The following SDK1 variants were observed in gnomAD, a reference collection of about 807,000 sequenced individuals.
SDK1 encodes the protein sidekick cell adhesion molecule 1.
Under a neutral mutation model 245.5 loss-of-function variants are expected in SDK1, and 157 were observed. The observed-to-expected ratio is 0.64, with a 90% CI of 0.56 to 0.73. SDK1 has a LOEUF of 0.73. Among genes scored for constraint, SDK1 ranks in the 30% least tolerant of loss-of-function variants. The pLI is 0.00. For missense variants in SDK1, 3,583 were observed against 3,002.3 expected, an observed-to-expected ratio of 1.19 and a Z score of -4.52; for synonymous variants, 1,647 against 1,278.5, an observed-to-expected ratio of 1.29 and a Z score of -6.15.
At chr7:3,323,245 T>C (rs1355371934) in intron 1 of SDK1, among the ~76,000 whole-genome samples, 1 of 152,238 alleles carries the variant, frequency 6.6e-6, no homozygotes, top group Admixed American at 6.5e-5. Flanking sequence ...CAAAAGACGT[T>C]ATTCATTGTT....
At chr7:3,561,835 G>A (rs1779761658) in intron 1 of SDK1, among the ~76,000 whole-genome samples, 1 of 152,176 alleles carries the variant, frequency 6.6e-6, no homozygotes, top group South Asian at 2.1e-4. Flanking sequence ...TTCATTATAA[G>A]ACTGGCCTTG....
chr7:4,223,754 G>A (rs1181506858), intron 40 of SDK1, among the ~76,000 whole-genome samples: 1 of 152,192 alleles, frequency 6.6e-6, no homozygotes. Context: ...TGAATTTGCA[G>A]TGGGGGGCAG....
chr7:4,065,998 G>A (rs1188431960), intron 19 of SDK1, among the ~76,000 whole-genome samples: 1 of 152,024 alleles, frequency 6.6e-6, no homozygotes, highest in Non-Finnish European at 1.5e-5. Flanking sequence ...TTTGAATGTG[G>A]CGCCATCCAG....
intron 1 of SDK1, among the ~76,000 whole-genome samples, chr7:3,348,523 G>C (rs1206149136): frequency 1.3e-5 from 2 of 152,110 alleles, no homozygotes; most frequent in African/African-American, 2.4e-5. Flanking sequence ...ATAAAGATGG[G>C]AACAGTAGAC....
rs1424776129 is a variant in SDK1, at chr7:3,639,087, G to GA, written c.546dup (p.Ser183IlefsTer45). The stretch of plus-strand genomic sequence containing the variant: ...AACAGAATGGGAGCACTCCTGCAAA[G>GA]AAAATCAGAAGTTCAAGTCGCATGT... On this transcript the variant is annotated frameshift_variant, in exon 3 of 45. Transcript: ENST00000404826. LOFTEE classifies it high-confidence loss of function. The GA allele has an allele frequency of 1.2e-6, 2 of 1,600,168 alleles. No individual in the cohort carries two copies. The highest frequency in any genetic ancestry group is 2.7e-5 in the African/African-American group (2 of 74,818).
intron 1 of SDK1, among the ~76,000 whole-genome samples, chr7:3,578,962 C>T (rs933483053): frequency 6.6e-6 from 1 of 151,868 alleles, no homozygotes; most frequent in Non-Finnish European, 1.5e-5. Context: ...TAAAGTAAGA[C>T]AGGTGTAAGA....
chr7:3,619,263 A>G, intron 2 of SDK1, 24 bp downstream of exon 2: 2 of 1,588,178 alleles, frequency 1.3e-6, no homozygotes, highest in Middle Eastern at 3.3e-4. Flanking sequence ...TGAAAAAATA[A>G]GATCCCATTT....
At chr7:3,558,131 A>G (rs572335497) in intron 1 of SDK1, among the ~76,000 whole-genome samples, 3 of 152,198 alleles carry the variant, frequency 2.0e-5, no homozygotes, top group East Asian at 3.9e-4. Context: ...TGGCCGGTAT[A>G]GTTGCCGAAT....
intron 1 of SDK1, among the ~76,000 whole-genome samples, chr7:3,400,503 T>G (rs1778860638): frequency 6.6e-6 from 1 of 152,050 alleles, no homozygotes; most frequent in South Asian, 2.1e-4. Context: ...TTTTATCAAC[T>G]TAGAAACAAT....
chr7:3,736,449 A>G (rs1432006000), intron 4 of SDK1, among the ~76,000 whole-genome samples: 1 of 151,708 alleles, frequency 6.6e-6, no homozygotes, highest in African/African-American at 2.4e-5. Flanking sequence ...AATTTGTTCT[A>G]TTTTTAGTAG....
chr7:3,545,995 C>T (rs991331135), intron 1 of SDK1, among the ~76,000 whole-genome samples: 12 of 152,330 alleles, frequency 7.9e-5, no homozygotes, highest in Admixed American at 3.9e-4. Flanking sequence ...ATTGATATTT[C>T]TGTCTTCATT....
chr7:3,681,865 C>G (rs1165262084), intron 4 of SDK1, among the ~76,000 whole-genome samples: 1 of 152,040 alleles, frequency 6.6e-6, no homozygotes, highest in Non-Finnish European at 1.5e-5. Flanking sequence ...CCTCTTGGGA[C>G]CAGATATGTT....
At chr7:3,576,616 G>A (rs1780300240) in intron 1 of SDK1, among the ~76,000 whole-genome samples, 1 of 151,940 alleles carries the variant, frequency 6.6e-6, no homozygotes, top group African/African-American at 2.4e-5. Context: ...AAAAATGTAA[G>A]TCATAATATA....
At chr7:3,362,620 A>G (rs1780984328) in intron 1 of SDK1, among the ~76,000 whole-genome samples, 1 of 152,198 alleles carries the variant, frequency 6.6e-6, no homozygotes, top group Non-Finnish European at 1.5e-5. Flanking sequence ...TACAAGATTT[A>G]AAATTAATTT....
intron 1 of SDK1, among the ~76,000 whole-genome samples, chr7:3,362,967 A>G (rs953021673): frequency 6.6e-6 from 1 of 152,202 alleles, no homozygotes; most frequent in Admixed American, 6.5e-5. Flanking sequence ...AAGAAATAAT[A>G]CAGAGAAATC....
intron 1 of SDK1, among the ~76,000 whole-genome samples, chr7:3,501,826 T>C (rs1299905769): frequency 1.3e-5 from 2 of 152,220 alleles, no homozygotes; most frequent in Non-Finnish European, 2.9e-5. Context: ...ATTTTACAAA[T>C]ATTTATTACT....
In SDK1 at chr7:3,381,081, T is replaced by C. The variant is rs534321035; in HGVS notation, c.298+79197T>C. Among the ~76,000 whole-genome samples, 11 of 152,266 alleles carry C rather than the reference T, an allele frequency of 7.2e-5. No individual in the cohort carries two copies. The South Asian group carries it at 2.3e-3, about 32-fold the overall frequency. ...GGAGTTATGTGCTTAGAGGTGGTAA[T>C]TGAAGTCAAGAGTGTGATTAACATT... is the stretch of plus-strand genomic sequence containing the variant. On this transcript the variant is annotated intron_variant, in intron 1 of 44. Transcript: ENST00000404826.
At chr7:3,846,594 A>G (rs905376330) in intron 5 of SDK1, among the ~76,000 whole-genome samples, 6 of 152,144 alleles carry the variant, frequency 3.9e-5, no homozygotes, top group Admixed American at 2.6e-4. Context: ...CTCTAAACAT[A>G]TGTATGTGGA....
intron 1 of SDK1, among the ~76,000 whole-genome samples, chr7:3,490,620 T>A (rs1562518944): frequency 1.3e-5 from 2 of 152,230 alleles, no homozygotes; most frequent in Non-Finnish European, 2.9e-5. Context: ...TAGAATTCAG[T>A]ATGAACACAT....
Sources: gnomAD v4.1 joint callset for allele counts (sites outside exome capture counted in the v4.1 genomes callset) on GRCh38, gnomAD v4.1.1 for gene constraint, MANE v1.5 for transcripts, NCBI Gene and HGNC (gene_info 2026-07-23, HGNC 2026-07-21) for gene names.